The following C12orf42 variants were observed in gnomAD, a reference collection of about 807,000 sequenced individuals.
C12orf42 encodes uncharacterized protein C12orf42.
In C12orf42, 25 loss-of-function variants were observed where a neutral mutation model predicts 21.6. The observed-to-expected ratio is 1.16, with a 90% CI of 0.84 to 1.62. The LOEUF is 1.62. C12orf42 is among the 40% of genes most tolerant of loss of function. The pLI is 0.00. For missense variants in C12orf42, 483 were observed against 459.3 expected, an observed-to-expected ratio of 1.05 and a Z score of -0.47; for synonymous variants, 174 against 175.0, an observed-to-expected ratio of 0.99 and a Z score of 0.05.
intron 2 of C12orf42, among the ~76,000 whole-genome samples, chr12:103,459,049 G>T (rs749365415): frequency 4.3e-4 from 65 of 152,034 alleles, no homozygotes; most frequent in Non-Finnish European, 1.8e-4. Context: ...AAAGAAGAAA[G>T]GGTGTATGGA....
intron 3 of C12orf42, among the ~76,000 whole-genome samples, chr12:103,377,921 C>T (rs1222041252): frequency 6.6e-6 from 1 of 152,196 alleles, no homozygotes; most frequent in Non-Finnish European, 1.5e-5. Flanking sequence ...AAATTCCTCA[C>T]CTAGCATAGT....
intron 5 of C12orf42, among the ~76,000 whole-genome samples, chr12:103,274,382 C>CCTGAGAACAGTAAACCCAGTAAA (rs1394922354): frequency 2.0e-4 from 31 of 152,254 alleles, no homozygotes; most frequent in Middle Eastern, 6.8e-3. Context: ...AACCCTACCT[C>CCTGAGAACAGTAAACCCAGTAAA]CCTGGGTTGT....
At chr12:103,065,229 G>T in the C12orf42 span, among the ~76,000 whole-genome samples, 2 of 152,174 alleles carry the variant, frequency 1.3e-5, no homozygotes, top group Non-Finnish European at 2.9e-5. Context: ...AAAATAGATG[G>T]ATCTTGGAGA....
At chr12:103,440,201 T>A (rs1388216524) in intron 2 of C12orf42, among the ~76,000 whole-genome samples, 2 of 141,540 alleles carry the variant, frequency 1.4e-5, no homozygotes, top group African/African-American at 5.3e-5. Context: ...AGGTGGGAAC[T>A]GAACAATGAG....
the C12orf42 span, among the ~76,000 whole-genome samples, chr12:103,110,050 A>G: frequency 6.6e-6 from 1 of 152,196 alleles, no homozygotes; most frequent in Non-Finnish European, 1.5e-5. Flanking sequence ...AAAAATAAAA[A>G]ATAAAAGTCT....
chr12:103,257,878 T>C (rs187305660), intron 10 of C12orf42, among the ~76,000 whole-genome samples: 229 of 152,074 alleles, frequency 1.5e-3, no homozygotes, highest in African/African-American at 5.1e-3. Flanking sequence ...TACCTGAGAC[T>C]ATTGACCCAG....
At chr12:103,294,415 G>GAAAGAA (rs2037024670) in intron 4 of C12orf42, among the ~76,000 whole-genome samples, 1 of 75,582 alleles carries the variant, frequency 1.3e-5, no homozygotes, top group Non-Finnish European at 2.6e-5. Context: ...GAAAGAAAGA[G>GAAAGAA]AGAAAGGAGA....
At chr12:103,326,014 T>A (rs899947632) in intron 4 of C12orf42, among the ~76,000 whole-genome samples, 1 of 152,334 alleles carries the variant, frequency 6.6e-6, no homozygotes, top group South Asian at 2.1e-4. Flanking sequence ...TATTGGACAC[T>A]CATGATGTGC....
the C12orf42 span, among the ~76,000 whole-genome samples, chr12:103,096,039 C>A: frequency 6.6e-6 from 1 of 152,286 alleles, no homozygotes; most frequent in East Asian, 1.9e-4. Flanking sequence ...AATACAGCAA[C>A]ACTCAACATC....
the C12orf42 span, among the ~76,000 whole-genome samples, chr12:103,207,859 C>T: frequency 5.8e-4 from 89 of 152,266 alleles, no homozygotes; most frequent in African/African-American, 2.1e-3. Flanking sequence ...TTTTCATCAC[C>T]AGTGCTTACA....
the C12orf42 span, among the ~76,000 whole-genome samples, chr12:103,048,887 T>C: frequency 6.6e-6 from 1 of 152,172 alleles, no homozygotes; most frequent in Admixed American, 6.5e-5. Flanking sequence ...CAGCCTCCCA[T>C]TTCATATGGC....
intron 4 of C12orf42, among the ~76,000 whole-genome samples, chr12:103,330,013 T>C (rs1157386794): frequency 1.3e-5 from 2 of 152,124 alleles, no homozygotes; most frequent in African/African-American, 4.8e-5. Context: ...TTGAAGATTT[T>C]TGGAGAGAGA....
chr12:103,308,991 C>T (rs2038668631), intron 4 of C12orf42, among the ~76,000 whole-genome samples: 1 of 152,194 alleles, frequency 6.6e-6, no homozygotes, highest in Admixed American at 6.5e-5. Context: ...CACTGAACAG[C>T]TTTCTCCTTC....
the C12orf42 span, among the ~76,000 whole-genome samples, chr12:103,535,375 T>TAG: frequency 6.6e-5 from 10 of 150,808 alleles, no homozygotes; most frequent in African/African-American, 2.4e-4. Flanking sequence ...TAACTTATAT[T>TAG]ATATATAAGT....
At chr12:103,407,286 C>T (rs924208288) in intron 2 of C12orf42, among the ~76,000 whole-genome samples, 1 of 152,136 alleles carries the variant, frequency 6.6e-6, no homozygotes, top group African/African-American at 2.4e-5. Context: ...TTTCTTCCCT[C>T]AACTAGTATT....
chr12:103,224,629 G>C, the C12orf42 span, among the ~76,000 whole-genome samples: 1 of 152,236 alleles, frequency 6.6e-6, no homozygotes, highest in African/African-American at 2.4e-5. Context: ...AGCTGAAGGA[G>C]CCGGGGAGCA....
At chr12:103,552,934 C>G in the C12orf42 span, among the ~76,000 whole-genome samples, 6 of 152,062 alleles carry the variant, frequency 3.9e-5, no homozygotes, top group African/African-American at 1.4e-4. Flanking sequence ...CTTATAAAAC[C>G]ATCAGATCTT....
intron 4 of C12orf42, among the ~76,000 whole-genome samples, chr12:103,358,602 G>T (rs1593595616): frequency 6.7e-6 from 1 of 149,144 alleles, no homozygotes; most frequent in African/African-American, 2.5e-5. Flanking sequence ...CACCCATATT[G>T]TTTCAAACCA....
Position 103,319,227 on chromosome 12 carries a change from T to C in C12orf42, c.260-12882A>G, listed in dbSNP as rs575829672. ...AACCAACCCTTCACTGTGTTTATTC[T>C]TTAAGAAAAAAAGCGAAAATGTTTT... On this transcript the variant is annotated intron_variant, in intron 4 of 5. Transcript: ENST00000548883. Among the ~76,000 whole-genome samples the C allele has an allele frequency of 3.9e-5, 6 of 152,374 alleles. No individual in the cohort carries two copies. In the East Asian group the frequency reaches 1.2e-3, roughly 29 times the overall value.
Sources: gnomAD v4.1 joint callset for allele counts (sites outside exome capture counted in the v4.1 genomes callset) on GRCh38, gnomAD v4.1.1 for gene constraint, MANE v1.5 for transcripts, NCBI Gene and HGNC (gene_info 2026-07-23, HGNC 2026-07-21) for gene names.